CFAP52: variants seen among roughly 807,000 people sequenced by gnomAD.
CFAP52 encodes cilia and flagella associated protein 52, also known as cilia- and flagella-associated protein 52.
Under a neutral mutation model 70.5 loss-of-function variants are expected in CFAP52, and 57 were observed. That is an observed-to-expected ratio of 0.81 (90% CI 0.65 to 1.01). CFAP52 has a LOEUF of 1.01. CFAP52 is among the 50% of genes least tolerant of loss of function. The pLI is 0.00. For synonymous variants in CFAP52, 267 were observed against 292.5 expected (o/e 0.91, Z 0.89); for missense variants, 785 against 788.5 (o/e 1.00, Z 0.05).
At chr17:9,613,223 C>T (rs1304051189) in intron 8 of CFAP52, among the ~76,000 whole-genome samples, 6 of 150,740 alleles carry the variant, frequency 4.0e-5, no homozygotes, top group African/African-American at 1.5e-4. Flanking sequence ...ATTACGAGGG[C>T]TTCTGGATCT....
chr17:9,602,202 G>A lies in CFAP52; in HGVS notation c.753+2019G>A, dbSNP rs145277034. On this transcript the variant is annotated intron_variant, in intron 6 of 13. Transcript: ENST00000352665. ...GCAGGTTTGTTACATAGGTATACAC[G>A]TGCCATGGTGGTTTGCTGCACCCAT... Among the ~76,000 whole-genome samples the A allele has an allele frequency of 1.8e-4, 27 of 152,106 alleles. No homozygotes were observed. The East Asian group carries it at 3.7e-3, about 21-fold the overall frequency.
At chr17:9,594,534 G>T (rs1908914601) in intron 4 of CFAP52, 3 of 503,476 alleles carry the variant, frequency 6.0e-6, no homozygotes, top group African/African-American at 2.0e-5. Context: ...CTGCTGAAAA[G>T]ATTTTGCTTA....
chr17:9,635,291 G>T, intron 10 of CFAP52, 114 bp from the exon 11 acceptor site: 3 of 1,436,102 alleles, frequency 2.1e-6, no homozygotes, highest in Non-Finnish European at 2.8e-6. Flanking sequence ...CAAAGACAGG[G>T]AATTAAAAAA....
chr17:9,592,308 C>CA (rs898324672), intron 3 of CFAP52, among the ~76,000 whole-genome samples: 126 of 151,454 alleles, frequency 8.3e-4, no homozygotes, highest in African/African-American at 2.9e-3. Flanking sequence ...ACTAAAAATG[C>CA]AAAAAAAATT....
chr17:9,627,659 A>T (rs1312904345), intron 8 of CFAP52, among the ~76,000 whole-genome samples: 1 of 152,186 alleles, frequency 6.6e-6, no homozygotes, highest in East Asian at 1.9e-4. Context: ...AATATACATT[A>T]AATATGTTCA....
rs1910616590 is a variant in CFAP52 at position 9,632,931 on chromosome 17, C to T, written c.1218C>T (p.Gly406=). The T allele has an allele frequency of 1.2e-6, 2 of 1,614,226 alleles. No individual in the cohort carries two copies. Among genetic ancestry groups the T allele is most frequent in the African/African-American group, 1.3e-5 (1 of 75,072 alleles). ...TCCGAGCCTTCGCCCCAGAGACAGGCCGACTGATGTATGTCATTAACAATG... is the reference window on the plus strand; with the variant it reads ...TCCGAGCCTTCGCCCCAGAGACAGGTCGACTGATGTATGTCATTAACAATG... ...GKIRAFAPET[G]RLMYVINNAH... The change falls in exon 10 of 14, where the codon GGC becomes GGT. Residue 406 remains glycine, a synonymous_variant. Coordinates refer to ENST00000352665, the MANE Select transcript of CFAP52 (RefSeq NM_145054.5).
At chr17:9,625,442 A>C (rs936855110) in intron 8 of CFAP52, among the ~76,000 whole-genome samples, 1 of 147,528 alleles carries the variant, frequency 6.8e-6, no homozygotes, top group Non-Finnish European at 1.5e-5. Flanking sequence ...TACATGTATA[A>C]TTTAGCTACC....
At chr17:9,581,064 C>G (rs1908203866) in intron 1 of CFAP52, among the ~76,000 whole-genome samples, 1 of 152,188 alleles carries the variant, frequency 6.6e-6, no homozygotes, top group Non-Finnish European at 1.5e-5. Flanking sequence ...CGCCTGTAAT[C>G]CCAGCACTTT....
At chr17:9,631,052 G>GAGAGAGAGAGAGAGAGAGAGAGAGAGAA (rs370935367) in intron 9 of CFAP52, among the ~76,000 whole-genome samples, 8 of 37,958 alleles carry the variant, frequency 2.1e-4, no homozygotes, top group African/African-American at 5.2e-4. Context: ...GAGAGAGAGA[G>GAGAGAGAGAGAGAGAGAGAGAGAGAGAA]AGAAAGAAAG....
chr17:9,630,791 G>T (rs1039460073), intron 9 of CFAP52, among the ~76,000 whole-genome samples: 1 of 149,980 alleles, frequency 6.7e-6, no homozygotes, highest in Non-Finnish European at 1.5e-5. Context: ...TTTGAGAACA[G>T]CCTGACCAAT....
At chr17:9,636,426 T>C (rs1393988317) in intron 11 of CFAP52, among the ~76,000 whole-genome samples, 1 of 152,122 alleles carries the variant, frequency 6.6e-6, no homozygotes, top group African/African-American at 2.4e-5. Context: ...CACACCCCCA[T>C]AGAATGACTA....
chr17:9,594,184 T>G lies in CFAP52; in HGVS notation c.408-9T>G. 6.4e-7 allele frequency: 1 copy of G among 1,568,584 alleles called. No homozygotes were observed. The highest frequency in any genetic ancestry group is 8.6e-7 in the Non-Finnish European group (1 of 1,159,970). ...GACTTTTTTTTTTTGGTCCCTCTTATTTTGGCAGTGTGGTGGTGTGGAGCA... is the reference window on the plus strand; with the variant it reads ...GACTTTTTTTTTTTGGTCCCTCTTAGTTTGGCAGTGTGGTGGTGTGGAGCA... On this transcript the variant is annotated splice_polypyrimidine_tract_variant and intron_variant, in intron 3 of 13. Coordinates refer to ENST00000352665, the MANE Select transcript of CFAP52 (RefSeq NM_145054.5).
At position 9,594,359 on chromosome 17, in the gene CFAP52, T is replaced by C. The variant is rs376821054; in HGVS notation, c.536+38T>C. 36 of 1,593,356 alleles carry C rather than the reference T, an allele frequency of 2.3e-5. No homozygotes were observed. The East Asian group carries it at 6.8e-4, about 30-fold the overall frequency. ...GTTCGGAGTTTTCAGAACTCATAAA[T>C]TGCTATATTTTCTTGCACAGAAAAC... On this transcript the variant is annotated intron_variant, in intron 4 of 13. Transcript: ENST00000352665.
At chr17:9,637,094 A>C (rs796428248) in intron 11 of CFAP52, among the ~76,000 whole-genome samples, 12 of 152,280 alleles carry the variant, frequency 7.9e-5, no homozygotes, top group African/African-American at 2.4e-4. Context: ...CGACAAAGCA[A>C]GCTTTTGTCT....
chr17:9,608,347 T>G (rs567168929), intron 7 of CFAP52, 128 bp downstream of exon 7: 123 of 722,888 alleles, frequency 1.7e-4, no homozygotes, highest in Middle Eastern at 4.3e-4. Flanking sequence ...GCTGTTAGAA[T>G]GAGTAGTTGG....
intron 8 of CFAP52, among the ~76,000 whole-genome samples, chr17:9,614,157 C>CTTTTTTTT (rs11347755): frequency 3.2e-5 from 3 of 93,982 alleles, no homozygotes; most frequent in African/African-American, 3.8e-5. Flanking sequence ...TTCTTTCTTT[C>CTTTTTTTT]TTTTTTTTTT....
rs1012575949 is a variant in CFAP52, at chr17:9,636,203, G to A, written c.1472+647G>A. ...AAAAAGAAAGAAAGAAAGAAAGAAA[G>A]AAAGAAAGAAAGAAAGAAAGAAAGA... is the stretch of plus-strand genomic sequence containing the variant. On this transcript the variant is annotated intron_variant, in intron 11 of 13. Coordinates refer to ENST00000352665, the MANE Select transcript of CFAP52 (RefSeq NM_145054.5). 1.1e-4 allele frequency among the ~76,000 whole-genome samples: 14 copies of A among 123,206 alleles called. 1 individual carries two copies. The highest frequency in any genetic ancestry group is 4.5e-4 in the African/African-American group (14 of 30,836). The allele number at this position is 123,206 out of a possible 152,430, so 80.8% of individuals were successfully genotyped here.
At chr17:9,609,214 T>C (rs1230049372) in intron 7 of CFAP52, among the ~76,000 whole-genome samples, 1 of 144,688 alleles carries the variant, frequency 6.9e-6, no homozygotes, top group Non-Finnish European at 1.5e-5. Flanking sequence ...GCTTAGGATA[T>C]CTCAGTGAAT....
chr17:9,644,231 G>A (rs915230752), downstream of CFAP52, among the ~76,000 whole-genome samples: 1 of 152,074 alleles, frequency 6.6e-6, no homozygotes, highest in Non-Finnish European at 1.5e-5. Flanking sequence ...TCAGCCTCCT[G>A]AGTAGCTAGG....
Sources: gnomAD v4.1 joint callset for allele counts (sites outside exome capture counted in the v4.1 genomes callset) on GRCh38, gnomAD v4.1.1 for gene constraint, MANE v1.5 for transcripts, NCBI Gene and HGNC (gene_info 2026-07-23, HGNC 2026-07-21) for gene names.